C2CD2: variants seen among roughly 807,000 people sequenced by gnomAD.
C2CD2 encodes the protein C2 calcium dependent domain containing 2.
C2CD2 carries 43 observed loss-of-function variants against 74.3 expected under a neutral mutation model. The observed-to-expected ratio is 0.58, with a 90% CI of 0.45 to 0.75. The LOEUF is 0.75. C2CD2 is among the 30% of genes least tolerant of loss of function. C2CD2 has a pLI of 0.00. For synonymous variants in C2CD2, 422 were observed against 390.7 expected (o/e 1.08, Z -0.94); for missense variants, 801 against 916.3 (o/e 0.87, Z 1.63).
chr21:41,907,636 C>T, intron 9 of C2CD2, 24 bp downstream of exon 9: 2 of 1,601,064 alleles, frequency 1.2e-6, no homozygotes, highest in Non-Finnish European at 1.7e-6. Flanking sequence ...CGGAACCCGG[C>T]CGCGGCGGAC....
At chr21:41,922,262 G>C (rs1163542371) in intron 2 of C2CD2, among the ~76,000 whole-genome samples, 177 bp from the exon 3 acceptor site, 1 of 151,508 alleles carries the variant, frequency 6.6e-6, no homozygotes, top group East Asian at 1.9e-4. Context: ...CAGCTCAGGC[G>C]ATCTTCCCAC....
At chr21:41,913,809 A>T (rs367984285) in intron 6 of C2CD2, among the ~76,000 whole-genome samples, 17 of 152,298 alleles carry the variant, frequency 1.1e-4, no homozygotes, top group African/African-American at 4.1e-4. Context: ...GGGCCTCAAC[A>T]GTGATTCAGA....
At chr21:41,947,449 G>A (rs369989964) in intron 1 of C2CD2, among the ~76,000 whole-genome samples, 49 of 152,114 alleles carry the variant, frequency 3.2e-4, no homozygotes, top group Non-Finnish European at 5.7e-4. Context: ...GAGCCACTGC[G>A]CCTGGCCTAA....
intron 11 of C2CD2, 136 bp downstream of exon 11, chr21:41,905,588 G>C: frequency 1.7e-6 from 1 of 588,262 alleles, no homozygotes; most frequent in Non-Finnish European, 3.1e-6. Context: ...AAAGTGCTGA[G>C]ATTACGGGTG....
In C2CD2 at chr21:41,924,211, T is replaced by C. The variant is rs1412259934; in HGVS notation, c.379-2126A>G. 1.3e-5 allele frequency among the ~76,000 whole-genome samples: 2 copies of C among 152,194 alleles called. No individual in the cohort carries two copies. The highest frequency in any genetic ancestry group is 4.8e-5 in the African/African-American group (2 of 41,442). On this transcript the variant is annotated intron_variant, in intron 2 of 13. Transcript: ENST00000380486. The surrounding 1 kb of genome is among the most constrained non-coding windows in gnomAD (Gnocchi z 4.4). Reference sequence around the variant, plus strand: ...CAGGGCTAGGACATTCCCCTGTACTTTCTCATCTGCTGGCTCCTGGCCGCA... The same window carrying C: ...CAGGGCTAGGACATTCCCCTGTACTCTCTCATCTGCTGGCTCCTGGCCGCA...
At chr21:41,932,574 A>C (rs1408454961) in intron 2 of C2CD2, among the ~76,000 whole-genome samples, 3 of 150,402 alleles carry the variant, frequency 2.0e-5, no homozygotes, top group African/African-American at 7.3e-5. Flanking sequence ...ATGGAGTTGA[A>C]CTGTAGGACA....
intron 13 of C2CD2, among the ~76,000 whole-genome samples, chr21:41,891,799 GC>G (rs2064757658): frequency 6.6e-6 from 1 of 152,088 alleles, no homozygotes; most frequent in South Asian, 2.1e-4. Flanking sequence ...GGGAGGGAAC[GC>G]CAACCCACCC....
rs1420091418 is a variant in C2CD2 at position 41,912,255 on chromosome 21, C to T, written c.953+77G>A. 1.4e-5 allele frequency: 11 copies of T among 813,656 alleles called. No individual in the cohort carries two copies. In the East Asian group the frequency reaches 2.9e-4, roughly 22 times the overall value. The allele number at this position is 813,656 out of a possible 1,614,324, so 50.4% of individuals were successfully genotyped here. A position where few individuals can be genotyped will look rare whatever the true frequency, so the allele number is the denominator to read the frequency against. ...TAGTGTTTTAGCCTAAACGGTGCTG[C>T]AGAATGATTTCAGGATTTGGCGCTC... On this transcript the variant is annotated intron_variant, in intron 7 of 13. Transcript: ENST00000380486.
rs773096299 is a variant in C2CD2, at chr21:41,945,710, A to C, written c.280-3465T>G. Among the ~76,000 whole-genome samples, 26 of 152,200 alleles carry C rather than the reference A, an allele frequency of 1.7e-4. No homozygotes were observed. Among genetic ancestry groups the C allele is most frequent in the Non-Finnish European group, 3.7e-4 (25 of 68,040 alleles). The stretch of plus-strand genomic sequence containing the variant: ...GGGCAGTCTCTCCCATACTGTTCTC[A>C]TATAGTGAGTTCTCACAAGATCTGA... On this transcript the variant is annotated intron_variant, in intron 1 of 13. Coordinates refer to ENST00000380486, the MANE Select transcript of C2CD2 (RefSeq NM_015500.2). The surrounding 1 kb of genome is among the most constrained non-coding windows in gnomAD (Gnocchi z 4.2).
chr21:41,889,414 G>A, intron 13 of C2CD2, 70 bp from the exon 14 acceptor site: 1 of 1,080,258 alleles, frequency 9.3e-7, no homozygotes, highest in Non-Finnish European at 1.4e-6. Context: ...GGTCCAATCG[G>A]ACAAAGGGAA....
rs759839763 is a variant in C2CD2, at chr21:41,929,586, T to C, written c.379-7501A>G. 2.6e-5 allele frequency among the ~76,000 whole-genome samples: 4 copies of C among 152,342 alleles called. No individual in the cohort carries two copies. The highest frequency in any genetic ancestry group is 1.3e-4 in the Admixed American group (2 of 15,306). Reference sequence around the variant, plus strand: ...CCCAGACTAGGTGGGTTATAACTTTTATTTAAAACTTTCAGTTCCAGCTGA... The same window carrying C: ...CCCAGACTAGGTGGGTTATAACTTTCATTTAAAACTTTCAGTTCCAGCTGA... On this transcript the variant is annotated intron_variant, in intron 2 of 13. Coordinates refer to ENST00000380486, the MANE Select transcript of C2CD2 (RefSeq NM_015500.2). This position sits in a 1 kb window ranked among gnomAD's most constrained non-coding sequence, Gnocchi z 4.6.
At chr21:41,920,386 C>G (rs534516388) in intron 3 of C2CD2, among the ~76,000 whole-genome samples, 1 of 152,224 alleles carries the variant, frequency 6.6e-6, no homozygotes, top group African/African-American at 2.4e-5. Flanking sequence ...TCCTTCCCCA[C>G]TCCTAAACAA....
At chr21:41,890,812 A>G (rs1601539415) in intron 13 of C2CD2, among the ~76,000 whole-genome samples, 1 of 152,198 alleles carries the variant, frequency 6.6e-6, no homozygotes, top group African/African-American at 2.4e-5. Context: ...GAGAAACCTG[A>G]CCTAGACCTG....
intron 1 of C2CD2, among the ~76,000 whole-genome samples, chr21:41,948,378 C>T (rs964535193): frequency 4.6e-5 from 7 of 152,146 alleles, no homozygotes; most frequent in Non-Finnish European, 1.0e-4. Context: ...ATAAGTGACT[C>T]CGGGGGGGTC....
chr21:41,948,870 CTTT>C (rs967927171), intron 1 of C2CD2, among the ~76,000 whole-genome samples: 2,416 of 80,686 alleles, frequency 0.03, 44 homozygotes, highest in African/African-American at 0.099. Flanking sequence ...CACACAGCAT[CTTT>C]TTTTTTTTTT....
intron 2 of C2CD2, among the ~76,000 whole-genome samples, chr21:41,932,231 G>A (rs940053616): frequency 2.7e-5 from 4 of 150,002 alleles, no homozygotes; most frequent in African/African-American, 9.7e-5. Context: ...GGTGCCGGGC[G>A]GGTGGCTCGT....
rs1238578636 is a variant in C2CD2 at position 41,945,922 on chromosome 21, C to T, written c.280-3677G>A. Among the ~76,000 whole-genome samples, 1 of 152,114 alleles carries T rather than the reference C, an allele frequency of 6.6e-6. No individual in the cohort carries two copies. Among genetic ancestry groups the T allele is most frequent in the Non-Finnish European group, 1.5e-5 (1 of 68,016 alleles). On this transcript the variant is annotated intron_variant, in intron 1 of 13. Coordinates refer to ENST00000380486, the MANE Select transcript of C2CD2 (RefSeq NM_015500.2). This position sits in a 1 kb window ranked among gnomAD's most constrained non-coding sequence, Gnocchi z 4.2. The stretch of plus-strand genomic sequence containing the variant: ...CCACTCTCAGGGAAGTCCTTTAGAG[C>T]AGTGTGAAAACAGACTGATACAACA...
rs967927171 is a variant in C2CD2, at chr21:41,948,870, C to CTTTTTTTTTTTTTTTTTTTTTTTTT, written c.279+4499_279+4500insAAAAAAAAAAAAAAAAAAAAAAAAA. Among the ~76,000 whole-genome samples the CTTTTTTTTTTTTTTTTTTTTTTTTT allele has an allele frequency of 1.7e-4, 14 of 80,682 alleles. 5 individuals are homozygous for CTTTTTTTTTTTTTTTTTTTTTTTTT. The highest frequency in any genetic ancestry group is 2.3e-4 in the Non-Finnish European group (10 of 43,186). The allele number at this position is 80,682 out of a possible 152,430, so 52.9% of individuals were successfully genotyped here. ...AATATGTTCCAAGTCCACACAGCAT[C>CTTTTTTTTTTTTTTTTTTTTTTTTT]TTTTTTTTTTTTTTTTTTTTTTCTT... On this transcript the variant is annotated intron_variant, in intron 1 of 13. Coordinates refer to ENST00000380486, the MANE Select transcript of C2CD2 (RefSeq NM_015500.2).
chr21:41,890,412 T>G (rs796997297), intron 13 of C2CD2, among the ~76,000 whole-genome samples: 3 of 152,358 alleles, frequency 2.0e-5, no homozygotes, highest in African/African-American at 7.2e-5. Flanking sequence ...TCAACAGCAA[T>G]GATTCCTTAA....
Sources: gnomAD v4.1 joint callset for allele counts (sites outside exome capture counted in the v4.1 genomes callset) on GRCh38, gnomAD v4.1.1 for gene constraint, Gnocchi (gnomAD v3.1) non-coding constraint, MANE v1.5 for transcripts, NCBI Gene and HGNC (gene_info 2026-07-23, HGNC 2026-07-21) for gene names.